The following ABL2 variants were observed in gnomAD, a reference collection of about 807,000 sequenced individuals.
The protein encoded by ABL2 is ABL proto-oncogene 2, non-receptor tyrosine kinase, also known as tyrosine-protein kinase ABL2.
ABL2 carries 49 observed loss-of-function variants against 107.7 expected under a neutral mutation model. The observed-to-expected ratio is 0.45, with a 90% CI of 0.36 to 0.58. ABL2 has a LOEUF of 0.58. Ranked by LOEUF, ABL2 falls within the 20% of genes least tolerant of loss-of-function variation. The probability of loss-of-function intolerance (pLI) is 0.00; values close to 1 mark genes in which losing one functional copy is unlikely to be tolerated. For missense variants in ABL2, 1,245 were observed against 1,457.0 expected (o/e 0.85, Z 2.37); for synonymous variants, 549 against 548.6 (o/e 1.00, Z -0.01).
At chr1:179,174,660 A>G (rs1035551394) in intron 1 of ABL2, among the ~76,000 whole-genome samples, 2 of 150,886 alleles carry the variant, frequency 1.3e-5, no homozygotes, top group Admixed American at 1.3e-4. Flanking sequence ...CAAATTTTCT[A>G]CTGGGGCTGA....
At chr1:179,224,306 G>A (rs1166265393) in intron 1 of ABL2, among the ~76,000 whole-genome samples, 4 of 151,846 alleles carry the variant, frequency 2.6e-5, no homozygotes, top group East Asian at 1.9e-4. Flanking sequence ...TTGCTCTGTC[G>A]CCCAGGCTGG....
intron 3 of ABL2, among the ~76,000 whole-genome samples, chr1:179,129,344 A>G (rs1656053838): frequency 6.6e-6 from 1 of 152,224 alleles, no homozygotes; most frequent in South Asian, 2.1e-4. Context: ...AAGAATCAAT[A>G]AAGGTAAAAT....
At position 179,121,695 on chromosome 1, in the gene ABL2, T is replaced by A. The variant is rs1386844867; in HGVS notation, c.860A>T (p.Asp287Val). 2.5e-6 allele frequency: 4 copies of A among 1,614,042 alleles called. No individual in the cohort carries two copies. In the African/African-American group the frequency reaches 5.3e-5, roughly 22 times the overall value. Residue 287 changes from aspartate to valine, a missense_variant, in exon 5 of 12, where the codon GAT (aspartate) becomes GTT (valine). By Grantham distance (152) the Asp-to-Val change is radical. Transcript: ENST00000502732. ...CCCAAGTTTGTGCTTCATGGTAATA[T>A]CTGTTCGCTCCATTTCCCATTTGTC... Reference protein sequence around the residue: ...IHDKWEMERTDITMKHKLGGG... With the variant: ...IHDKWEMERTVITMKHKLGGG...
At chr1:179,184,496 C>A in intron 1 of ABL2, 1 of 761,722 alleles carries the variant, frequency 1.3e-6, no homozygotes, top group Non-Finnish European at 2.2e-6. Flanking sequence ...GAAAGTTCAT[C>A]AAAGATGACA....
At chr1:179,215,095 G>A (rs1017854955) in intron 1 of ABL2, among the ~76,000 whole-genome samples, 1 of 151,820 alleles carries the variant, frequency 6.6e-6, no homozygotes, top group Non-Finnish European at 1.5e-5. Flanking sequence ...AGGAGGTGGA[G>A]GTTGCAATGA....
chr1:179,116,418 C>T (rs1654623611), intron 8 of ABL2, among the ~76,000 whole-genome samples: 1 of 152,010 alleles, frequency 6.6e-6, no homozygotes, highest in South Asian at 2.1e-4. Context: ...GGATGCTTTA[C>T]AGAGGGAGGA....
chr1:179,120,965 A>C (rs1431019943), intron 5 of ABL2, among the ~76,000 whole-genome samples: 1 of 152,198 alleles, frequency 6.6e-6, no homozygotes, highest in Non-Finnish European at 1.5e-5. Flanking sequence ...TTAGAGAGCA[A>C]GGCCTTATAT....
intron 1 of ABL2, among the ~76,000 whole-genome samples, chr1:179,190,550 C>A (rs1168826986): frequency 6.6e-6 from 1 of 151,916 alleles, no homozygotes; most frequent in South Asian, 2.1e-4. Flanking sequence ...TTGTTGATGA[C>A]GTTGATGACG....
rs764845952 is a variant in ABL2, at chr1:179,229,421, C to CCCCCGCCGA, written c.-33_-25dup. ...ATCCCTGCTCTCGCGTACTCCCGCG[C>CCCCCGCCGA]CCCCGCCGACCCCTGGTCACATTCC... On this transcript the variant is annotated 5_prime_UTR_variant, in exon 1 of 12. Coordinates refer to ENST00000502732, the MANE Select transcript of ABL2 (RefSeq NM_007314.4). The CCCCCGCCGA allele has an allele frequency of 7.4e-6, 11 of 1,485,288 alleles. No homozygotes were observed. Among genetic ancestry groups the CCCCCGCCGA allele is most frequent in the Non-Finnish European group, 9.7e-6 (11 of 1,129,198 alleles). The allele number at this position is 1,485,288 out of a possible 1,614,324, so 92.0% of individuals were successfully genotyped here.
chr1:179,175,533 A>G (rs1659990017), intron 1 of ABL2, among the ~76,000 whole-genome samples: 1 of 152,256 alleles, frequency 6.6e-6, no homozygotes, highest in African/African-American at 2.4e-5. Context: ...TTAGAATATT[A>G]CAACAGACAA....
chr1:179,153,491 T>C (rs530675879), intron 1 of ABL2, among the ~76,000 whole-genome samples: 1 of 152,282 alleles, frequency 6.6e-6, no homozygotes, highest in South Asian at 2.1e-4. Flanking sequence ...GCTGCCAACA[T>C]TCTTTGGCTT....
At position 179,185,441 on chromosome 1, in the gene ABL2, T is replaced by C. The variant is rs1265481558; in HGVS notation, c.157+43800A>G. Among the ~76,000 whole-genome samples, 5 of 152,286 alleles carry C rather than the reference T, an allele frequency of 3.3e-5. No homozygotes were observed. The South Asian group carries it at 1.0e-3, about 32-fold the overall frequency. Reference sequence around the variant, plus strand: ...TTCTCTATTGTAATTTTCACCCTGTTTTTTTTAAAAAAAATTTTTTTGTTT... The same window carrying C: ...TTCTCTATTGTAATTTTCACCCTGTCTTTTTTAAAAAAAATTTTTTTGTTT... On this transcript the variant is annotated intron_variant, in intron 1 of 11. Transcript: ENST00000502732.
chr1:179,210,886 T>C (rs960816344), intron 1 of ABL2, among the ~76,000 whole-genome samples: 1 of 151,726 alleles, frequency 6.6e-6, no homozygotes, highest in Non-Finnish European at 1.5e-5. Context: ...AAAATAAAAA[T>C]ATTTCATATA....
intron 3 of ABL2, among the ~76,000 whole-genome samples, chr1:179,127,372 C>T (rs1557932052): frequency 6.6e-6 from 1 of 152,158 alleles, no homozygotes; most frequent in Non-Finnish European, 1.5e-5. Flanking sequence ...GAATGAATCA[C>T]TCCTTTCCAT....
chr1:179,223,272 C>T (rs1334020596), intron 1 of ABL2, among the ~76,000 whole-genome samples: 2 of 151,694 alleles, frequency 1.3e-5, no homozygotes, highest in African/African-American at 4.8e-5. Flanking sequence ...AAAAATTAGC[C>T]AGGCATGGTA....
At chr1:179,142,821 C>G in intron 1 of ABL2, 1 of 1,294,664 alleles carries the variant, frequency 7.7e-7, no homozygotes, top group Non-Finnish European at 1.1e-6. Flanking sequence ...TTTCACTGAC[C>G]AAGAATGAAG....
intron 1 of ABL2, among the ~76,000 whole-genome samples, chr1:179,205,384 C>T (rs1240688497): frequency 6.6e-6 from 1 of 152,224 alleles, no homozygotes; most frequent in East Asian, 1.9e-4. Flanking sequence ...CAAAACTACA[C>T]TTTCTCCATG....
chr1:179,142,633 C>T (rs1286774252), intron 1 of ABL2, among the ~76,000 whole-genome samples: 2 of 152,112 alleles, frequency 1.3e-5, no homozygotes, highest in East Asian at 1.9e-4. Context: ...GTTTTAATAA[C>T]TTCTTTTAAA....
At chr1:179,116,829 C>G (rs1654685206) in intron 8 of ABL2, 1 of 145,836 alleles carries the variant, frequency 6.9e-6, no homozygotes, top group African/African-American at 2.6e-5. Context: ...CTTCTTTATA[C>G]TTTTTTTTTT....
Sources: allele counts gnomAD v4.1 joint callset (sites outside exome capture counted in the v4.1 genomes callset), GRCh38; gene constraint gnomAD v4.1.1; transcripts MANE v1.5; gene names NCBI Gene and HGNC (gene_info 2026-07-23, HGNC 2026-07-21).